DPP6: variants seen among roughly 807,000 people sequenced by gnomAD.
DPP6 encodes the protein A-type potassium channel modulatory protein DPP6.
A neutral mutation model predicts 122.6 loss-of-function variants in DPP6; 69 were observed. The observed-to-expected ratio is 0.56, with a 90% CI of 0.46 to 0.69. DPP6 has a LOEUF of 0.69. DPP6 is among the 30% of genes least tolerant of loss of function. DPP6 has a pLI of 0.00. For synonymous variants in DPP6, 418 were observed against 433.1 expected (o/e 0.97, Z 0.43); for missense variants, 928 against 1,116.9 (o/e 0.83, Z 2.41).
chr7:154,144,411 A>G (rs1795991855), intron 1 of DPP6, among the ~76,000 whole-genome samples: 1 of 152,066 alleles, frequency 6.6e-6, no homozygotes, highest in Admixed American at 6.6e-5. Context: ...AGCCAAATTT[A>G]CCAATCTTTT....
In DPP6 at chr7:154,831,571, C is replaced by T. The variant is rs539018518; in HGVS notation, c.1667-22209C>T. 1.2e-4 allele frequency among the ~76,000 whole-genome samples: 19 copies of T among 152,174 alleles called. No homozygotes were observed. The South Asian group carries it at 3.3e-3, about 27-fold the overall frequency. On this transcript the variant is annotated intron_variant, in intron 16 of 25. Coordinates refer to ENST00000377770, the MANE Select transcript of DPP6 (RefSeq NM_130797.4). ...CCCAGCAAGTAGCAATTTCAGGTGA[C>T]GTGACAGTTTATGAATGTTACAAAC... is the stretch of plus-strand genomic sequence containing the variant.
the DPP6 span, among the ~76,000 whole-genome samples, chr7:153,842,256 A>G: frequency 2.6e-5 from 4 of 152,188 alleles, no homozygotes; most frequent in African/African-American, 9.6e-5. Context: ...ATAACTCATT[A>G]TTCGTTTAAA....
intron 1 of DPP6, among the ~76,000 whole-genome samples, chr7:154,198,812 C>T (rs978963745): frequency 5.9e-5 from 9 of 152,298 alleles, no homozygotes; most frequent in South Asian, 2.1e-4. Flanking sequence ...AGTCTCTCAT[C>T]TTAGGAATGA....
At chr7:154,881,855 C>T (rs988824985) in intron 21 of DPP6, among the ~76,000 whole-genome samples, 23 of 152,106 alleles carry the variant, frequency 1.5e-4, no homozygotes, top group African/African-American at 4.3e-4. Context: ...GTTCAGAGCC[C>T]GGGCACAGAG....
intron 1 of DPP6, among the ~76,000 whole-genome samples, chr7:154,023,632 C>G (rs1798825693): frequency 6.6e-6 from 1 of 151,618 alleles, no homozygotes; most frequent in South Asian, 2.1e-4. Context: ...CAGGTGCCTA[C>G]CACCATGCTC....
chr7:153,932,023 A>G (rs2129013398), intron 1 of DPP6, among the ~76,000 whole-genome samples: 1 of 152,216 alleles, frequency 6.6e-6, no homozygotes, highest in South Asian at 2.1e-4. Flanking sequence ...ACTCTTGATC[A>G]TTTACAAATG....
At chr7:154,127,650 C>T (rs71542519) in intron 1 of DPP6, among the ~76,000 whole-genome samples, 1 of 55,630 alleles carries the variant, frequency 1.8e-5, no homozygotes, top group Admixed American at 1.7e-4. Context: ...CACACACACA[C>T]AGACACACAC....
intron 1 of DPP6, among the ~76,000 whole-genome samples, chr7:154,187,650 G>A (rs747296526): frequency 1.3e-5 from 2 of 152,164 alleles, no homozygotes; most frequent in Non-Finnish European, 2.9e-5. Context: ...CAGTGTGATA[G>A]AACCGAGCAA....
At chr7:154,103,899 G>C (rs1805945349) in intron 1 of DPP6, among the ~76,000 whole-genome samples, 1 of 152,190 alleles carries the variant, frequency 6.6e-6, no homozygotes, top group African/African-American at 2.4e-5. Context: ...CAGTCTGAAG[G>C]CTGCATTGTC....
chr7:154,796,043 C>G (rs1798034456), intron 12 of DPP6, 160 bp downstream of exon 12: 8 of 1,190,298 alleles, frequency 6.7e-6, no homozygotes, highest in Non-Finnish European at 7.9e-6. Context: ...CACGGTGCCT[C>G]CCGTTCTCCA....
intron 8 of DPP6, among the ~76,000 whole-genome samples, chr7:154,731,746 A>G (rs1319684077): frequency 6.6e-6 from 1 of 152,270 alleles, no homozygotes; most frequent in Non-Finnish European, 1.5e-5. Flanking sequence ...AACTAAAGAC[A>G]GCTTAATAGA....
At chr7:154,092,949 G>C (rs1018140291) in intron 1 of DPP6, 1 of 152,052 alleles carries the variant, frequency 6.6e-6, no homozygotes, top group Non-Finnish European at 1.5e-5. Flanking sequence ...GTGAGCTTGC[G>C]TCTCCTTGTG....
intron 16 of DPP6, among the ~76,000 whole-genome samples, chr7:154,852,182 G>A (rs1467031437): frequency 3.9e-5 from 6 of 152,210 alleles, no homozygotes; most frequent in Admixed American, 1.3e-4. Flanking sequence ...CTTTCAACCA[G>A]TTGTCAGACG....
intron 6 of DPP6, among the ~76,000 whole-genome samples, chr7:154,650,182 G>A (rs568997602): frequency 7.2e-5 from 11 of 152,154 alleles, no homozygotes; most frequent in South Asian, 4.2e-4. Context: ...AAAATTAGTC[G>A]GATATGGTGG....
the DPP6 span, among the ~76,000 whole-genome samples, chr7:153,859,368 C>A: frequency 6.3e-4 from 96 of 152,286 alleles, no homozygotes; most frequent in Non-Finnish European, 1.3e-3. Context: ...GGCTGGCATA[C>A]AAAGAGGACA....
chr7:154,715,267 C>A (rs1001191489), intron 7 of DPP6, among the ~76,000 whole-genome samples: 8 of 152,164 alleles, frequency 5.3e-5, no homozygotes, highest in Non-Finnish European at 1.0e-4. Context: ...TGGGTTTTCA[C>A]CTGGTTGGCC....
At chr7:154,242,124 A>G (rs1332168522) in intron 1 of DPP6, among the ~76,000 whole-genome samples, 1 of 152,182 alleles carries the variant, frequency 6.6e-6, no homozygotes, top group Non-Finnish European at 1.5e-5. Context: ...TGAAACAACA[A>G]AGGGACCTGT....
At chr7:154,297,517 C>A (rs1426917484) in intron 1 of DPP6, among the ~76,000 whole-genome samples, 3 of 152,202 alleles carry the variant, frequency 2.0e-5, no homozygotes, top group Non-Finnish European at 2.9e-5. Context: ...TGCCAGTATT[C>A]TCTGCTCTCT....
intron 13 of DPP6, among the ~76,000 whole-genome samples, chr7:154,803,351 C>A (rs1047665840): frequency 2.0e-5 from 3 of 152,172 alleles, no homozygotes; most frequent in Non-Finnish European, 2.9e-5. Context: ...AAAGACAATG[C>A]GTGCAAAACT....
Sources: allele counts gnomAD v4.1 joint callset (sites outside exome capture counted in the v4.1 genomes callset), GRCh38; gene constraint gnomAD v4.1.1; transcripts MANE v1.5; gene names NCBI Gene and HGNC (gene_info 2026-07-23, HGNC 2026-07-21).